The following CLVS1 variants were observed in gnomAD, a reference collection of about 807,000 sequenced individuals.
CLVS1 encodes clavesin 1.
CLVS1 carries 10 observed loss-of-function variants against 33.1 expected under a neutral mutation model. The ratio of observed to expected loss-of-function variants is 0.30; its 90% CI spans 0.19 to 0.51. The LOEUF is 0.51. Among genes scored for constraint, CLVS1 ranks in the 20% least tolerant of loss-of-function variants. The pLI is 0.97. For synonymous variants in CLVS1, 163 were observed against 166.1 expected (o/e 0.98, Z 0.14); for missense variants, 343 against 433.4 (o/e 0.79, Z 1.85).
intron 3 of CLVS1, among the ~76,000 whole-genome samples, chr8:61,383,852 C>G (rs1200959550): frequency 1.3e-5 from 2 of 152,208 alleles, no homozygotes; most frequent in Non-Finnish European, 2.9e-5. Context: ...AGGAAGCAGT[C>G]ACTAAGCTGT....
At chr8:61,192,463 G>A (rs1807507496) in intron 2 of CLVS1, among the ~76,000 whole-genome samples, 1 of 142,928 alleles carries the variant, frequency 7.0e-6, no homozygotes, top group Admixed American at 7.1e-5. Flanking sequence ...CCAGAGGCAT[G>A]GGCAAGGATT....
At chr8:61,247,184 A>G (rs1289593594) in intron 2 of CLVS1, among the ~76,000 whole-genome samples, 1 of 152,088 alleles carries the variant, frequency 6.6e-6, no homozygotes, top group African/African-American at 2.4e-5. Flanking sequence ...CATTTTCTTT[A>G]TCCAGTCTGT....
At chr8:61,253,585 C>T (rs1228675018) in intron 2 of CLVS1, among the ~76,000 whole-genome samples, 3 of 152,224 alleles carry the variant, frequency 2.0e-5, no homozygotes, top group Non-Finnish European at 4.4e-5. Flanking sequence ...GGTCTTTTCA[C>T]ATAGTACCAT....
At chr8:61,201,462 C>G (rs915236076) in intron 2 of CLVS1, among the ~76,000 whole-genome samples, 7 of 152,040 alleles carry the variant, frequency 4.6e-5, no homozygotes, top group African/African-American at 1.7e-4. Flanking sequence ...AAACAAAAAG[C>G]AAAAGAAGAC....
At chr8:61,342,160 C>G (rs113127855) in intron 2 of CLVS1, among the ~76,000 whole-genome samples, 2,266 of 152,236 alleles carry the variant, frequency 0.015, 50 homozygotes, top group African/African-American at 0.051. Context: ...TAGTGGGGAT[C>G]TGCTTTTCAA....
intron 2 of CLVS1, among the ~76,000 whole-genome samples, chr8:61,161,250 G>A (rs2129348): frequency 0.55 from 83,274 of 151,856 alleles, 23,748 homozygotes; most frequent in Middle Eastern, 0.72. Flanking sequence ...CTTATTATGG[G>A]AAACACTATG....
intron 1 of CLVS1, among the ~76,000 whole-genome samples, chr8:61,078,181 G>C (rs1248758632): frequency 6.6e-6 from 1 of 152,222 alleles, no homozygotes; most frequent in Non-Finnish European, 1.5e-5. Flanking sequence ...AAGCTGTGTG[G>C]TATGGGCTGT....
chr8:61,201,388 G>C (rs1807729123), intron 2 of CLVS1, among the ~76,000 whole-genome samples: 1 of 152,130 alleles, frequency 6.6e-6, no homozygotes. Flanking sequence ...TTCTGAGCAA[G>C]GGCAGAATCA....
At chr8:61,495,689 C>G (rs1198871045) in intron 5 of CLVS1, among the ~76,000 whole-genome samples, 1 of 152,176 alleles carries the variant, frequency 6.6e-6, no homozygotes, top group Non-Finnish European at 1.5e-5. Context: ...TAAATACAGC[C>G]AGATTTCCCT....
chr8:61,374,407 G>C (rs979931786), intron 2 of CLVS1, among the ~76,000 whole-genome samples: 1 of 152,054 alleles, frequency 6.6e-6, no homozygotes, highest in East Asian at 1.9e-4. Flanking sequence ...AGCTTATCTC[G>C]GCTCAGACTC....
At chr8:60,979,864 T>C in the CLVS1 span, among the ~76,000 whole-genome samples, 1 of 152,168 alleles carries the variant, frequency 6.6e-6, no homozygotes, top group Non-Finnish European at 1.5e-5. Context: ...TAGAACTCTT[T>C]TGGAAAATAA....
chr8:61,264,514 C>T (rs1454267072), intron 2 of CLVS1: 1 of 151,888 alleles, frequency 6.6e-6, no homozygotes, highest in Non-Finnish European at 1.5e-5. Flanking sequence ...CAGGCAAAAT[C>T]GTAAATCAAT....
intron 3 of CLVS1, among the ~76,000 whole-genome samples, chr8:61,426,326 T>C (rs1449554366): frequency 6.6e-6 from 1 of 152,256 alleles, no homozygotes; most frequent in East Asian, 1.9e-4. Context: ...ACCTTGTTAC[T>C]TCTAGCTCAC....
intron 2 of CLVS1, among the ~76,000 whole-genome samples, chr8:61,259,389 A>G (rs1423404468): frequency 6.6e-6 from 1 of 152,218 alleles, no homozygotes; most frequent in African/African-American, 2.4e-5. Flanking sequence ...ACCTTGACAT[A>G]TCAGTAGAAA....
chr8:60,990,861 A>C, the CLVS1 span, among the ~76,000 whole-genome samples: 4 of 151,816 alleles, frequency 2.6e-5, no homozygotes, highest in Non-Finnish European at 5.9e-5. Context: ...GGCACCCACC[A>C]CCACGCTTGG....
the CLVS1 span, among the ~76,000 whole-genome samples, chr8:61,002,431 C>A: frequency 6.7e-6 from 1 of 148,766 alleles, no homozygotes; most frequent in African/African-American, 2.5e-5. Context: ...CAGGTTCAAG[C>A]GATTCTCCTC....
chr8:61,458,572 C>G (rs200042430), intron 5 of CLVS1, 30 bp downstream of exon 5: 44 of 1,426,074 alleles, frequency 3.1e-5, no homozygotes, highest in Admixed American at 1.6e-4. Context: ...AGCCCCCCCC[C>G]CAGTCAGAGG....
At chr8:61,226,949 ATGAAGAACACCTG>A (rs1808342740) in intron 2 of CLVS1, among the ~76,000 whole-genome samples, 1 of 151,480 alleles carries the variant, frequency 6.6e-6, no homozygotes, top group Non-Finnish European at 1.5e-5. Context: ...TCAGAATTAT[ATGAAGAACACCTG>A]CTATATTACG....
chr8:61,031,908 A>G, the CLVS1 span, among the ~76,000 whole-genome samples: 1 of 152,244 alleles, frequency 6.6e-6, no homozygotes, highest in Non-Finnish European at 1.5e-5. Context: ...AGATTTTACA[A>G]TAAAGAAGAT....
Sources: gnomAD v4.1 joint callset for allele counts (sites outside exome capture counted in the v4.1 genomes callset) on GRCh38, gnomAD v4.1.1 for gene constraint, MANE v1.5 for transcripts, NCBI Gene and HGNC (gene_info 2026-07-23, HGNC 2026-07-21) for gene names.